Variants in VPS11 observed in about 807,000 individuals in gnomAD.
VPS11 encodes vacuolar protein sorting-associated protein 11 homolog.
Under a neutral mutation model 106.8 loss-of-function variants are expected in VPS11, and 51 were observed. That is an observed-to-expected ratio of 0.48 (90% CI 0.38 to 0.60). The LOEUF (loss-of-function observed/expected upper bound fraction) is 0.60, where lower values mean the gene tolerates loss of function less well. Among genes scored for constraint, VPS11 ranks in the 20% least tolerant of loss-of-function variants. The probability of loss-of-function intolerance (pLI) is 0.00; values close to 1 mark genes in which losing one functional copy is unlikely to be tolerated. For missense variants in VPS11, 950 were observed against 1,190.0 expected (o/e 0.80, Z 2.97); for synonymous variants, 453 against 458.7 (o/e 0.99, Z 0.16).
intron 4 of VPS11, 47 bp from the exon 5 acceptor site, chr11:119,071,549 G>T (rs782489004): frequency 2.0e-5 from 32 of 1,601,864 alleles, no homozygotes; most frequent in Non-Finnish European, 2.6e-5. Context: ...AAGGCTTAGA[G>T]TTACCTCCTC....
At chr11:119,068,194 C>G in intron 1 of VPS11, 184 bp downstream of exon 1, 1 of 600,698 alleles carries the variant, frequency 1.7e-6, no homozygotes, top group South Asian at 3.2e-5. Context: ...ATCAACTGAG[C>G]AATCCTGGGC....
At chr11:119,073,635 A>T in intron 6 of VPS11, 165 bp from the exon 7 acceptor site, 2 of 911,108 alleles carry the variant, frequency 2.2e-6, no homozygotes, top group Non-Finnish European at 3.2e-6. Context: ...ACCTTATGAA[A>T]TAAGATGATA....
At position 119,081,560 on chromosome 11, in the gene VPS11, G is replaced by A; in HGVS notation, c.2763G>A (p.Leu921=). 6.2e-7 allele frequency: 1 copy of A among 1,614,008 alleles called. No individual in the cohort carries two copies. Among genetic ancestry groups the A allele is most frequent in the Non-Finnish European group, 8.5e-7 (1 of 1,179,888 alleles). The change falls in exon 16 of 16, where the codon CTG becomes CTA. Residue 921 remains leucine, a synonymous_variant. Coordinates refer to ENST00000621676, the MANE Select transcript of VPS11 (RefSeq NM_021729.6). ...TLLTDPPTAR[L]TSSLEAGLQR... is the part of the protein sequence containing the mutation. ...TGACCGACCCTCCCACAGCCAGACTGACCTCCAGCCTGGAGGCTGGGCTGC... is the reference window on the plus strand; with the variant it reads ...TGACCGACCCTCCCACAGCCAGACTAACCTCCAGCCTGGAGGCTGGGCTGC...
chr11:119,079,219 T>C lies in VPS11; in HGVS notation c.2357T>C (p.Ile786Thr), dbSNP rs1945757117. ...AAACTACAGAAACAGAGCCAGCAGA[T>C]TGCACAGGATGAGCTGCGGGTGCGG... is the stretch of plus-strand genomic sequence containing the variant. ...VQKLQKQSQQ[I>T]AQDELRVRRY... The change falls in exon 14 of 16, where the codon ATT (isoleucine) becomes ACT (threonine). Residue 786 changes from isoleucine (I) to threonine (T), a missense_variant. Around this residue, in one of 3 missense-constraint regions of VPS11, gnomAD observed 453 missense variants for 514.6 expected, o/e 0.88. Coordinates refer to ENST00000621676, the MANE Select transcript of VPS11 (RefSeq NM_021729.6). 1.2e-6 allele frequency: 2 copies of C among 1,612,704 alleles called. No homozygotes were observed. Among genetic ancestry groups the C allele is most frequent in the African/African-American group, 1.3e-5 (1 of 74,878 alleles).
At chr11:119,069,050 G>T (rs945352127) in intron 1 of VPS11, 146 bp from the exon 2 acceptor site, 3 of 524,306 alleles carry the variant, frequency 5.7e-6, no homozygotes, top group African/African-American at 2.1e-5. Flanking sequence ...GTGAGTCACC[G>T]CGCCTGGCCT....
In VPS11 at chr11:119,078,555, T is replaced by C. The variant is rs782587612; in HGVS notation, c.1924-10T>C. 1.2e-6 allele frequency: 2 copies of C among 1,606,138 alleles called. No individual in the cohort carries two copies. Among genetic ancestry groups the C allele is most frequent in the Non-Finnish European group, 1.7e-6 (2 of 1,173,582 alleles). ...TTTTGTCCAGCAGCTCTGCCCTCCTTCCTCTCCAGGTCAAAGAGAAGCTTC... is the reference window on the plus strand; with the variant it reads ...TTTTGTCCAGCAGCTCTGCCCTCCTCCCTCTCCAGGTCAAAGAGAAGCTTC... On this transcript the variant is annotated splice_polypyrimidine_tract_variant and intron_variant, in intron 11 of 15. Coordinates refer to ENST00000621676, the MANE Select transcript of VPS11 (RefSeq NM_021729.6).
Position 119,078,934 on chromosome 11 carries a change from A to G in VPS11, c.2203A>G (p.Lys735Glu), listed in dbSNP as rs1416397862. The change falls in exon 13 of 16, where the codon AAG becomes GAG. Residue 735 changes from lysine to glutamate, a missense_variant. Transcript: ENST00000621676. ...SYFARKEEDC[K>E]EYVAAVLKHI... ...CTTCGCTCGCAAGGAGGAGGACTGC[A>G]AGGAGTATGTGGCAGCTGTCCTCAA... is the stretch of plus-strand genomic sequence containing the variant. 1 of 1,614,046 alleles carries G rather than the reference A, an allele frequency of 6.2e-7. No homozygotes were observed. Among genetic ancestry groups the G allele is most frequent in the Admixed American group, 1.7e-5 (1 of 60,030 alleles).
Position 119,078,477 on chromosome 11 carries a change from A to C in VPS11, c.1924-88A>C, listed in dbSNP as rs1945721309. 1.6e-5 allele frequency: 26 copies of C among 1,580,092 alleles called. 1 individual carries two copies. In the South Asian group the frequency reaches 2.9e-4, roughly 18 times the overall value. On this transcript the variant is annotated intron_variant, in intron 11 of 15. Transcript: ENST00000621676. ...ATGGTCCTCTGTGAAGAGGGAATGGACTGAGGGAAAGAGTTGACTGGCTTT... is the reference window on the plus strand; with the variant it reads ...ATGGTCCTCTGTGAAGAGGGAATGGCCTGAGGGAAAGAGTTGACTGGCTTT...
In VPS11 at chr11:119,077,113, G is replaced by A. The variant is rs782649867; in HGVS notation, c.1425+30G>A. On this transcript the variant is annotated intron_variant, in intron 8 of 15. Coordinates refer to ENST00000621676, the MANE Select transcript of VPS11 (RefSeq NM_021729.6). The stretch of plus-strand genomic sequence containing the variant: ...AGGATGTTGTTGGTGGGGAAGTCTT[G>A]GAGGCCCCACTGAGCATGAGGTGGC... The A allele has an allele frequency of 3.1e-5, 50 of 1,596,502 alleles. 1 individual carries two copies. The South Asian group carries it at 5.6e-4, about 18-fold the overall frequency.
Position 119,067,834 on chromosome 11 carries a change from A to T in VPS11, c.11A>T (p.Tyr4Phe). 6.5e-7 allele frequency: 1 copy of T among 1,548,098 alleles called. No homozygotes were observed. The highest frequency in any genetic ancestry group is 2.4e-5 in the East Asian group (1 of 41,108). Residue 4 changes from tyrosine (Y) to phenylalanine (F), a missense_variant, in exon 1 of 16, where the codon TAC (tyrosine) becomes TTC (phenylalanine). Tyr to Phe is a conservative substitution (Grantham distance 22). Coordinates refer to ENST00000621676, the MANE Select transcript of VPS11 (RefSeq NM_021729.6). MAAYLQWRRFVFFD... is the reference protein window; with the variant it reads MAAFLQWRRFVFFD... ...GAGCCCTGGGCCAAAATGGCGGCCT[A>T]CCTGCAGTGGCGGCGCTTCGTTTTC... is the stretch of plus-strand genomic sequence containing the variant.
chr11:119,071,150 G>A (rs901911684), intron 4 of VPS11, among the ~76,000 whole-genome samples: 10 of 151,414 alleles, frequency 6.6e-5, no homozygotes, highest in Admixed American at 3.9e-4. Flanking sequence ...GGCTGATCTC[G>A]AACTCCTGGG....
intron 1 of VPS11, among the ~76,000 whole-genome samples, chr11:119,068,479 T>G (rs1945215699): frequency 7.1e-6 from 1 of 140,844 alleles, no homozygotes; most frequent in African/African-American, 2.6e-5. Flanking sequence ...ATACGGAGTC[T>G]TACTCTGTTG....
In VPS11 at chr11:119,078,584, C is replaced by G. The variant is rs782021584; in HGVS notation, c.1943C>G (p.Ala648Gly). ...KDPQVKEKLH[A>G]EAISLLKSGR... ...CTCCAGGTCAAAGAGAAGCTTCACG[C>G]AGAGGCCATTTCCCTGCTGAAGAGT... The change falls in exon 12 of 16, where the codon GCA becomes GGA. Residue 648 changes from alanine to glycine, a missense_variant. Coordinates refer to ENST00000621676, the MANE Select transcript of VPS11 (RefSeq NM_021729.6). The G allele has an allele frequency of 1.9e-6, 3 of 1,611,558 alleles. No homozygotes were observed. In the Admixed American group the frequency reaches 5.0e-5, roughly 27 times the overall value.
chr11:119,070,511 A>G, intron 4 of VPS11, 114 bp downstream of exon 4: 1 of 1,171,548 alleles, frequency 8.5e-7, no homozygotes, highest in Non-Finnish European at 1.1e-6. Context: ...TTAATCATAT[A>G]ATTCGAATCA....
chr11:119,075,297 A>G (rs1945562668), intron 7 of VPS11, among the ~76,000 whole-genome samples: 1 of 152,066 alleles, frequency 6.6e-6, no homozygotes, highest in Non-Finnish European at 1.5e-5. Flanking sequence ...GCTGGGGTGC[A>G]GTGGCATGTG....
chr11:119,076,291 C>T (rs1945616068), intron 7 of VPS11, among the ~76,000 whole-genome samples: 1 of 151,970 alleles, frequency 6.6e-6, no homozygotes, highest in African/African-American at 2.4e-5. Flanking sequence ...CTTTGGGAGG[C>T]TGAGGTGAGT....
At chr11:119,069,887 A>G (rs1479124372) in intron 3 of VPS11, among the ~76,000 whole-genome samples, 1 of 152,092 alleles carries the variant, frequency 6.6e-6, no homozygotes, top group Non-Finnish European at 1.5e-5. Context: ...AATCCCAGCT[A>G]CTAGGGAGGC....
chr11:119,078,132 C>T (rs2134791995), intron 10 of VPS11, 41 bp from the exon 11 acceptor site: 1 of 1,610,214 alleles, frequency 6.2e-7, no homozygotes, highest in Middle Eastern at 1.6e-4. Context: ...GTATATCACG[C>T]CCACTCATTC....
Position 119,081,937 on chromosome 11 carries a change from C to T in VPS11, c.*314C>T, listed in dbSNP as rs1945867073. 9.8e-6 allele frequency: 3 copies of T among 307,684 alleles called. No homozygotes were observed. The highest frequency in any genetic ancestry group is 6.4e-5 in the African/African-American group (3 of 46,972). The allele number at this position is 307,684 out of a possible 1,614,324, so 19.1% of individuals were successfully genotyped here. ...CAGGCTGTGCTTGGGTCCTTGCTCT[C>T]AGAGTCTATAAATAAAAGAATATAA... On this transcript the variant is annotated 3_prime_UTR_variant, in exon 16 of 16. Coordinates refer to ENST00000621676, the MANE Select transcript of VPS11 (RefSeq NM_021729.6).
Sources: allele counts gnomAD v4.1 joint callset (sites outside exome capture counted in the v4.1 genomes callset), GRCh38; gene constraint gnomAD v4.1.1; regional missense constraint gnomAD v4.1.1; transcripts MANE v1.5; gene names NCBI Gene and HGNC (gene_info 2026-07-23, HGNC 2026-07-21).